Variants in CHD9 observed in about 807,000 individuals in gnomAD.
CHD9 encodes the protein chromodomain helicase DNA binding protein 9.
Under a neutral mutation model 316.1 loss-of-function variants are expected in CHD9, and 77 were observed. That is an observed-to-expected ratio of 0.24 (90% CI 0.20 to 0.29). CHD9 has a LOEUF of 0.29. CHD9 is among the 10% of genes least tolerant of loss of function. CHD9 has a pLI of 1.00. For synonymous variants in CHD9, 1,129 were observed against 1,158.3 expected, an observed-to-expected ratio of 0.97 and a Z score of 0.51; for missense variants, 2,763 against 3,438.1, an observed-to-expected ratio of 0.80 and a Z score of 4.91.
At chr16:53,085,999 G>A (rs1263419955) in intron 1 of CHD9, among the ~76,000 whole-genome samples, 1 of 152,180 alleles carries the variant, frequency 6.6e-6, no homozygotes, top group Admixed American at 6.5e-5. Flanking sequence ...ATGAGCAATG[G>A]AAAAAGGAAA....
chr16:53,276,466 A>T (rs1181758765), intron 24 of CHD9, among the ~76,000 whole-genome samples: 1 of 152,014 alleles, frequency 6.6e-6, no homozygotes, highest in South Asian at 2.1e-4. Context: ...CCACCCTCCA[A>T]CTACCACCCT....
intron 13 of CHD9, among the ~76,000 whole-genome samples, chr16:53,244,857 C>G (rs910207970): frequency 1.3e-5 from 2 of 151,886 alleles, no homozygotes; most frequent in East Asian, 3.9e-4. Flanking sequence ...GTCTGGGTAC[C>G]GTGGCTCACA....
intron 20 of CHD9, among the ~76,000 whole-genome samples, 166 bp downstream of exon 20, chr16:53,263,263 A>G (rs564262159): frequency 6.6e-6 from 1 of 152,276 alleles, no homozygotes; most frequent in East Asian, 1.9e-4. Flanking sequence ...CTCCAATTTA[A>G]TACATCTAAT....
rs138128742 is a variant in CHD9 at position 53,242,155 on chromosome 16, A to G, written c.2878-685A>G. Among the ~76,000 whole-genome samples, 746 of 152,272 alleles carry G rather than the reference A, an allele frequency of 4.9e-3. 4 individuals carry two copies. Among genetic ancestry groups the G allele is most frequent in the Non-Finnish European group, 8.7e-3 (595 of 68,012 alleles). On this transcript the variant is annotated intron_variant, in intron 12 of 38. Transcript: ENST00000447540. ...ATCTTTCCTCAGATACCACATCGCA[A>G]TAATGGTCTCCCAACCACTCTATAC...
intron 2 of CHD9, among the ~76,000 whole-genome samples, chr16:53,171,288 G>A (rs1234324665): frequency 6.6e-6 from 1 of 151,924 alleles, no homozygotes; most frequent in African/African-American, 2.4e-5. Flanking sequence ...GCATGGTGGC[G>A]GGCGCCTGTA....
chr16:53,110,338 T>A (rs1325190527), intron 1 of CHD9, among the ~76,000 whole-genome samples: 1 of 152,210 alleles, frequency 6.6e-6, no homozygotes, highest in African/African-American at 2.4e-5. Context: ...ATGCCTGTAA[T>A]GTAATCCCAG....
intron 1 of CHD9, among the ~76,000 whole-genome samples, chr16:53,121,033 A>C (rs1364743309): frequency 6.6e-6 from 1 of 152,094 alleles, no homozygotes; most frequent in East Asian, 1.9e-4. Context: ...AACAAACAAA[A>C]ACCCTATAAA....
intron 1 of CHD9, chr16:53,121,498 T>G: frequency 2.2e-6 from 1 of 451,710 alleles, no homozygotes; most frequent in Non-Finnish European, 4.5e-6. Flanking sequence ...GATCATGCTT[T>G]GAAGTATATT....
chr16:53,114,577 T>TTTTA (rs1268252924), intron 1 of CHD9, among the ~76,000 whole-genome samples: 1 of 139,110 alleles, frequency 7.2e-6, no homozygotes, highest in Non-Finnish European at 1.6e-5. Flanking sequence ...TTTTATTATT[T>TTTTA]TTTATTTATT....
At chr16:53,208,569 G>T in intron 2 of CHD9, 4 of 1,021,314 alleles carry the variant, frequency 3.9e-6, no homozygotes, top group Non-Finnish European at 4.7e-6. Flanking sequence ...TCCTTTCCCA[G>T]TGCTGCAGTG....
At chr16:53,122,570 A>T (rs2038787295) in intron 1 of CHD9, among the ~76,000 whole-genome samples, 1 of 142,050 alleles carries the variant, frequency 7.0e-6, no homozygotes, top group Non-Finnish European at 1.5e-5. Context: ...TTTGAGACAG[A>T]GTCTCACTCT....
chr16:53,061,488 A>G (rs1428475639), intron 1 of CHD9, among the ~76,000 whole-genome samples: 1 of 152,178 alleles, frequency 6.6e-6, no homozygotes, highest in Non-Finnish European at 1.5e-5. Flanking sequence ...CCAGAAATGT[A>G]TTTCGGAAAT....
At position 53,291,724 on chromosome 16, in the gene CHD9, GGAT is replaced by G. The variant is rs767234887; in HGVS notation, c.5252_5254del (p.Asp1751del). 6.4e-7 allele frequency: 1 copy of G among 1,560,144 alleles called. No homozygotes were observed. Among genetic ancestry groups the G allele is most frequent in the South Asian group, 1.2e-5 (1 of 81,104 alleles). On this transcript the variant is annotated inframe_deletion and splice_region_variant, in exon 28 of 39. Transcript: ENST00000447540. Reference sequence around the variant, plus strand: ...GACAAGTTTCTATTTTCTTTTAAAAGGATGATGTTTCCTCACCAGGAGATCTTG... The same window carrying G: ...GACAAGTTTCTATTTTCTTTTAAAAGGATGTTTCCTCACCAGGAGATCTTG...
intron 1 of CHD9, among the ~76,000 whole-genome samples, chr16:53,065,638 T>TAAAAAAAA (rs68025976): frequency 2.5e-4 from 26 of 103,402 alleles, no homozygotes; most frequent in African/African-American, 9.4e-4. Context: ...TGTCTTAAAT[T>TAAAAAAAA]AAAAAAAAAA....
At chr16:53,126,674 G>A (rs1454836432) in intron 1 of CHD9, among the ~76,000 whole-genome samples, 3 of 127,126 alleles carry the variant, frequency 2.4e-5, no homozygotes, top group Non-Finnish European at 3.2e-5. Context: ...TCTTTCTTTC[G>A]TTCTTTCTTT....
chr16:53,244,937 T>G (rs191868584), intron 13 of CHD9, among the ~76,000 whole-genome samples: 428 of 152,118 alleles, frequency 2.8e-3, no homozygotes, highest in Non-Finnish European at 5.3e-3. Flanking sequence ...CATAGTAAGA[T>G]CTCATCTCTA....
At chr16:53,257,233 T>C (rs2050689552) in intron 19 of CHD9, among the ~76,000 whole-genome samples, 2 of 152,154 alleles carry the variant, frequency 1.3e-5, no homozygotes, top group Admixed American at 1.3e-4. Context: ...AGGAGATGAA[T>C]TACATGGAGA....
Position 53,228,537 on chromosome 16 carries a change from G to GTTTTTTTT in CHD9, c.2169-432_2169-425dup, listed in dbSNP as rs758037912. 1.2e-4 allele frequency among the ~76,000 whole-genome samples: 13 copies of GTTTTTTTT among 105,058 alleles called. 1 individual carries two copies. Among genetic ancestry groups the GTTTTTTTT allele is most frequent in the Non-Finnish European group, 1.5e-4 (8 of 53,404 alleles). The allele number at this position is 105,058 out of a possible 152,430, so 68.9% of individuals were successfully genotyped here. On this transcript the variant is annotated intron_variant, in intron 7 of 38. Coordinates refer to ENST00000447540, the MANE Select transcript of CHD9 (RefSeq NM_001308319.2). ...CTTATCTTTGTACCTCCATGAAAGT[G>GTTTTTTTT]TTTTTTTTTTTTTTTTTTTTTGAGA...
chr16:53,190,612 T>C (rs371209090), intron 2 of CHD9, among the ~76,000 whole-genome samples: 2 of 152,144 alleles, frequency 1.3e-5, no homozygotes, highest in Non-Finnish European at 1.5e-5. Context: ...TTATAAAAAT[T>C]AGCTTATTTT....
Sources: allele counts gnomAD v4.1 joint callset (sites outside exome capture counted in the v4.1 genomes callset), GRCh38; gene constraint gnomAD v4.1.1; transcripts MANE v1.5; gene names NCBI Gene and HGNC (gene_info 2026-07-23, HGNC 2026-07-21).